PRKN: variants seen among roughly 807,000 people sequenced by gnomAD.
PRKN encodes parkin RBR E3 ubiquitin protein ligase, also known as E3 ubiquitin-protein ligase parkin.
A neutral mutation model predicts 59.5 loss-of-function variants in PRKN; 56 were observed. The ratio of observed to expected loss-of-function variants is 0.94; its 90% CI spans 0.76 to 1.18. The LOEUF is 1.18. Among genes scored for constraint, PRKN ranks in the 50% most tolerant of loss-of-function variants. PRKN has a pLI of 0.00. For missense variants in PRKN, 657 were observed against 596.4 expected (o/e 1.10, Z -1.06); for synonymous variants, 250 against 222.1 (o/e 1.13, Z -1.12).
intron 2 of PRKN, among the ~76,000 whole-genome samples, chr6:162,432,302 C>T (rs146485605): frequency 5.3e-5 from 8 of 152,194 alleles, no homozygotes; most frequent in East Asian, 3.9e-4. Flanking sequence ...CCGAGGCAGA[C>T]GGATCATGAG....
intron 2 of PRKN, among the ~76,000 whole-genome samples, chr6:162,367,943 C>G (rs567477876): frequency 6.6e-6 from 1 of 152,122 alleles, no homozygotes; most frequent in African/African-American, 2.4e-5. Context: ...GTAGAAACCA[C>G]CAAGGCACTG....
At chr6:161,908,666 GA>G (rs11339006) in intron 6 of PRKN, among the ~76,000 whole-genome samples, 81,866 of 147,732 alleles carry the variant, frequency 0.55, 22,256 homozygotes, top group Middle Eastern at 0.66. Context: ...TCTTTTCAAT[GA>G]AAAAAAAAAA....
chr6:161,642,953 T>C (rs1402265397), intron 7 of PRKN, among the ~76,000 whole-genome samples: 1 of 152,250 alleles, frequency 6.6e-6, no homozygotes, highest in African/African-American at 2.4e-5. Flanking sequence ...CCAGTCATCA[T>C]TCTTTTAAAT....
In PRKN at chr6:161,448,659, C is replaced by A. The variant is rs79879311; in HGVS notation, c.1084-61782G>T. On this transcript the variant is annotated intron_variant, in intron 9 of 11. Coordinates refer to ENST00000366898, the MANE Select transcript of PRKN (RefSeq NM_004562.3). This position sits in a 1 kb window ranked among gnomAD's most constrained non-coding sequence, Gnocchi z 5.1. ...ATATTTGCATTTTTGCTACACATTA[C>A]GTGCAAGGCTTTTATCTGCTTCCTC... is the stretch of plus-strand genomic sequence containing the variant. Among the ~76,000 whole-genome samples the A allele has an allele frequency of 6.6e-6, 1 of 152,096 alleles. No individual in the cohort carries two copies. Among genetic ancestry groups the A allele is most frequent in the Non-Finnish European group, 1.5e-5 (1 of 68,034 alleles).
intron 4 of PRKN, among the ~76,000 whole-genome samples, chr6:162,188,201 T>C (rs1784110974): frequency 1.3e-5 from 2 of 152,178 alleles, no homozygotes; most frequent in South Asian, 4.1e-4. Flanking sequence ...CCTCTTTCTT[T>C]TGTAAATTGC....
chr6:161,920,767 C>T (rs1181324215), intron 6 of PRKN, among the ~76,000 whole-genome samples: 1 of 148,044 alleles, frequency 6.8e-6, no homozygotes, highest in Non-Finnish European at 1.5e-5. Context: ...TCCAGCCTGG[C>T]AACAGAGTGA....
In PRKN at chr6:161,575,317, G is replaced by A. The variant is rs761508403; in HGVS notation, c.872-5901C>T. On this transcript the variant is annotated intron_variant, in intron 7 of 11. Transcript: ENST00000366898. The surrounding 1 kb of genome is among the most constrained non-coding windows in gnomAD (Gnocchi z 4.6). ...CATAAAGGTCATTTTATCATCTAACGGGGAAGCTCCTCAATGAAAACGCGT... is the reference window on the plus strand; with the variant it reads ...CATAAAGGTCATTTTATCATCTAACAGGGAAGCTCCTCAATGAAAACGCGT... Among the ~76,000 whole-genome samples, 2 of 151,978 alleles carry A rather than the reference G, an allele frequency of 1.3e-5. No homozygotes were observed. The highest frequency in any genetic ancestry group is 4.8e-5 in the African/African-American group (2 of 41,356).
At chr6:161,783,623 AC>A (rs1322321841) in intron 7 of PRKN, 1 of 500,196 alleles carries the variant, frequency 2.0e-6, no homozygotes, top group African/African-American at 2.0e-5. Context: ...TGAAGGGAAG[AC>A]TTGAAAATGT....
intron 1 of PRKN, among the ~76,000 whole-genome samples, chr6:162,584,887 C>T (rs1358499802): frequency 1.5e-5 from 1 of 68,152 alleles, no homozygotes; most frequent in African/African-American, 5.6e-5. Flanking sequence ...CTCCCCTCCC[C>T]TCCCCTCCCC....
Position 161,499,932 on chromosome 6 carries a change from A to G in PRKN, c.1083+48922T>C, listed in dbSNP as rs927874635. ...CGCAGCTGTTCCCAAGATTACAGAT[A>G]AACTGAACACCAAGTTGTCTTCTGA... On this transcript the variant is annotated intron_variant, in intron 9 of 11. Coordinates refer to ENST00000366898, the MANE Select transcript of PRKN (RefSeq NM_004562.3). This position sits in a 1 kb window ranked among gnomAD's most constrained non-coding sequence, Gnocchi z 4.2. 6.6e-6 allele frequency among the ~76,000 whole-genome samples: 1 copy of G among 152,192 alleles called. No individual in the cohort carries two copies. Among genetic ancestry groups the G allele is most frequent in the South Asian group, 2.1e-4 (1 of 4,822 alleles).
intron 3 of PRKN, among the ~76,000 whole-genome samples, chr6:162,203,471 G>A (rs905104154): frequency 2.0e-5 from 3 of 152,140 alleles, no homozygotes; most frequent in Non-Finnish European, 4.4e-5. Flanking sequence ...GGTAAATCTT[G>A]AGAGCCCCTC....
rs35458503 is a variant in PRKN at position 161,554,712 on chromosome 6, TTGTGTG to T, written c.934-5715_934-5710del. On this transcript the variant is annotated intron_variant, in intron 8 of 11. Transcript: ENST00000366898. The surrounding 1 kb of genome is among the most constrained non-coding windows in gnomAD (Gnocchi z 4.5). ...TACAATCCTGATATACATACAGGGA[TTGTGTG>T]TGTGTGTGTGTGTGTGTATATATAT... Among the ~76,000 whole-genome samples, 8 of 138,910 alleles carry T rather than the reference TTGTGTG, an allele frequency of 5.8e-5. No individual in the cohort carries two copies. The highest frequency in any genetic ancestry group is 8.0e-5 in the African/African-American group (3 of 37,446). 91.1% of individuals were successfully genotyped at this position (138,910 alleles called of 152,430 possible).
At chr6:162,368,901 T>G (rs982615239) in intron 2 of PRKN, among the ~76,000 whole-genome samples, 1 of 152,210 alleles carries the variant, frequency 6.6e-6, no homozygotes, top group South Asian at 2.1e-4. Context: ...CCTAGTTCTC[T>G]TAGCTGTCAG....
intron 4 of PRKN, among the ~76,000 whole-genome samples, chr6:162,150,820 A>G (rs940240833): frequency 2.0e-5 from 3 of 152,152 alleles, no homozygotes; most frequent in Non-Finnish European, 4.4e-5. Context: ...TATCTATTTT[A>G]AGGAAACTGT....
At chr6:161,604,732 C>T (rs952994848) in intron 7 of PRKN, among the ~76,000 whole-genome samples, 5 of 152,086 alleles carry the variant, frequency 3.3e-5, no homozygotes, top group East Asian at 3.9e-4. Flanking sequence ...AACAGGAGTT[C>T]GAGACCAGCC....
chr6:161,643,898 A>G (rs1488095897), intron 7 of PRKN, among the ~76,000 whole-genome samples: 1 of 152,230 alleles, frequency 6.6e-6, no homozygotes, highest in African/African-American at 2.4e-5. Context: ...TTATTTCATT[A>G]GCATTGATTG....
At chr6:161,511,698 A>G (rs1003009386) in intron 9 of PRKN, among the ~76,000 whole-genome samples, 4 of 152,124 alleles carry the variant, frequency 2.6e-5, no homozygotes, top group African/African-American at 9.7e-5. Flanking sequence ...TGACCAGACA[A>G]TCCTTTAAAG....
Position 161,958,398 on chromosome 6 carries a change from T to G in PRKN, c.734+14904A>C, listed in dbSNP as rs114308028. On this transcript the variant is annotated intron_variant, in intron 6 of 11. Transcript: ENST00000366898. ...TTTCTTTAAGATACATTTTGACTAT[T>G]TGAATGTTTTATGTTGTTGCTATTT... Among the ~76,000 whole-genome samples, 680 of 152,328 alleles carry G rather than the reference T, an allele frequency of 4.5e-3. 3 individuals are homozygous for G. The highest frequency in any genetic ancestry group is 0.016 in the African/African-American group (647 of 41,574).
rs569881573 is a variant in PRKN, at chr6:162,696,033, A to G, written c.7+31629T>C. On this transcript the variant is annotated intron_variant, in intron 1 of 11. Transcript: ENST00000366898. ...AAAAGTAAACGAGCTCTGACTACAG[A>G]AAGTGCCTGGAACATGGTACTCAGC... 5.9e-5 allele frequency among the ~76,000 whole-genome samples: 9 copies of G among 152,270 alleles called. No homozygotes were observed. In the South Asian group the frequency reaches 1.7e-3, roughly 28 times the overall value.
Sources: gnomAD v4.1 joint callset for allele counts (sites outside exome capture counted in the v4.1 genomes callset) on GRCh38, gnomAD v4.1.1 for gene constraint, Gnocchi (gnomAD v3.1) non-coding constraint, MANE v1.5 for transcripts, NCBI Gene and HGNC (gene_info 2026-07-23, HGNC 2026-07-21) for gene names.